The following CELSR1 variants were observed in gnomAD, a reference collection of about 807,000 sequenced individuals.
The protein encoded by CELSR1 is cadherin EGF LAG seven-pass G-type receptor 1.
In CELSR1, 110 loss-of-function variants were observed where a neutral mutation model predicts 249.1. The ratio of observed to expected loss-of-function variants is 0.44; its 90% confidence interval spans 0.38 to 0.52. The LOEUF (loss-of-function observed/expected upper bound fraction) is 0.52. Ranked by LOEUF, CELSR1 falls within the 20% of genes least tolerant of loss-of-function variation. CELSR1 has a pLI of 0.00. For synonymous variants in CELSR1, 2,113 were observed against 1,900.0 expected (o/e 1.11, Z -2.92); for missense variants, 4,109 against 4,296.4 (o/e 0.96, Z 1.22).
At chr22:46,458,241 G>T (rs1477331167) in intron 2 of CELSR1, among the ~76,000 whole-genome samples, 2 of 152,150 alleles carry the variant, frequency 1.3e-5, no homozygotes, top group Non-Finnish European at 1.5e-5. Context: ...GGGAGCCGGG[G>T]GTGAGGCTAG....
rs889017209 is a variant in CELSR1 at position 46,413,024 on chromosome 22, A to G, written c.4612-1265T>C. ...GCAGGGTCCCTCCCACCACCCCTAT[A>G]AAGGATGGGTTCGATGCCTCCTCCT... On this transcript the variant is annotated intron_variant, in intron 5 of 34. Transcript: ENST00000674500. The surrounding 1 kb of genome is among the most constrained non-coding windows in gnomAD (Gnocchi z 4.7). Among the ~76,000 whole-genome samples the G allele has an allele frequency of 2.0e-5, 3 of 152,106 alleles. No homozygotes were observed. Among genetic ancestry groups the G allele is most frequent in the Admixed American group, 6.5e-5 (1 of 15,270 alleles).
rs2078893415 is a variant in CELSR1, at chr22:46,374,270, G to A, written c.7585-1213C>T. ...GAGAAGGTTGGTTGGCTGGATGGCT[G>A]CTTCAAGTAATGCGAAAAGTAAACC... On this transcript the variant is annotated intron_variant, in intron 24 of 34. Transcript: ENST00000674500. This position sits in a 1 kb window ranked among gnomAD's most constrained non-coding sequence, Gnocchi z 4.3. Among the ~76,000 whole-genome samples the A allele has an allele frequency of 6.6e-6, 1 of 152,190 alleles. No homozygotes were observed. The highest frequency in any genetic ancestry group is 2.4e-5 in the African/African-American group (1 of 41,444).
chr22:46,454,496 CT>C lies in CELSR1; in HGVS notation c.4183+9210del, dbSNP rs2079923565. On this transcript the variant is annotated intron_variant, in intron 2 of 34. Transcript: ENST00000674500. This position sits in a 1 kb window ranked among gnomAD's most constrained non-coding sequence, Gnocchi z 5.1. ...CCTTGTCTCCCCTCAACAGCACAGACTTCGAAGTCACGGGGAACGGCGTGTG... is the reference window on the plus strand; with the variant it reads ...CCTTGTCTCCCCTCAACAGCACAGACTCGAAGTCACGGGGAACGGCGTGTG... 6.6e-6 allele frequency among the ~76,000 whole-genome samples: 1 copy of C among 152,242 alleles called. No homozygotes were observed. Among genetic ancestry groups the C allele is most frequent in the African/African-American group, 2.4e-5 (1 of 41,464 alleles).
In CELSR1 at chr22:46,472,277, C is replaced by T. The variant is rs1363128054; in HGVS notation, c.3545-7932G>A. ...ATGGAGGTTGGGACCTGTCCAGTCC[C>T]CGACTTTCGTGAAAGACTCTGCAGT... On this transcript the variant is annotated intron_variant, in intron 1 of 34. Transcript: ENST00000674500. The surrounding 1 kb of genome is among the most constrained non-coding windows in gnomAD (Gnocchi z 7.0). Among the ~76,000 whole-genome samples the T allele has an allele frequency of 6.6e-6, 1 of 152,200 alleles. No homozygotes were observed. The highest frequency in any genetic ancestry group is 2.4e-5 in the African/African-American group (1 of 41,456).
rs768434066 is a variant in CELSR1 at position 46,364,223 on chromosome 22, C to T, written c.8808G>A (p.Pro2936=). Residue 2936 remains proline (P), a synonymous_variant, in exon 34 of 35, where the codon CCG becomes CCA. Transcript: ENST00000674500. ...KGILKNKVTY[P]PPLTLTEQTL... Reference sequence around the variant, plus strand: ...TCTGCTCCGTCAGCGTCAGCGGCGGCGGGTAGGTGACTTTATTTTTCAAGA... The same window carrying T: ...TCTGCTCCGTCAGCGTCAGCGGCGGTGGGTAGGTGACTTTATTTTTCAAGA... The T allele has an allele frequency of 9.9e-6, 16 of 1,610,038 alleles. No homozygotes were observed. Among genetic ancestry groups the T allele is most frequent in the South Asian group, 7.7e-5 (7 of 91,042 alleles).
At chr22:46,503,750 C>T (rs191551988) in intron 1 of CELSR1, among the ~76,000 whole-genome samples, 3 of 152,352 alleles carry the variant, frequency 2.0e-5, no homozygotes, top group African/African-American at 7.2e-5. Flanking sequence ...ATATTTAAGG[C>T]TGGGTGCAGC....
chr22:46,384,661 C>T lies in CELSR1; in HGVS notation c.6765G>A (p.Lys2255=). 6.2e-7 allele frequency: 1 copy of T among 1,613,290 alleles called. No individual in the cohort carries two copies. Among genetic ancestry groups the T allele is most frequent in the Non-Finnish European group, 8.5e-7 (1 of 1,179,660 alleles). Residue 2255 remains lysine (K), a synonymous_variant, in exon 20 of 35, where the codon AAG becomes AAA. Coordinates refer to ENST00000674500, the MANE Select transcript of CELSR1 (RefSeq NM_001378328.1). ...GGACCCTGGCTCCCGTAAAGTTGAACTTGTCAAAGATGTCGACAGCAAGAA... is the reference window on the plus strand; with the variant it reads ...GGACCCTGGCTCCCGTAAAGTTGAATTTGTCAAAGATGTCGACAGCAAGAA... ...NMILAVDIFD[K]FNFTGARVPR... is the part of the protein sequence containing the mutation.
chr22:46,365,238 G>T lies in CELSR1; in HGVS notation c.8547C>A (p.Thr2849=), dbSNP rs9627424. ...WDPARGAVHS[T]PKGDAVANHV... ...TGTGCCCCACACACTCACCTTTGGG[G>T]GTGCTGTGGACGGCGCCCCTGGCCG... The change falls in exon 32 of 35, where the codon ACC becomes ACA. Residue 2849 remains threonine, a synonymous_variant. Coordinates refer to ENST00000674500, the MANE Select transcript of CELSR1 (RefSeq NM_001378328.1). 0.017 allele frequency: 26,706 copies of T among 1,611,706 alleles called. 3,247 individuals carry two copies. In the African/African-American group the frequency reaches 0.28, roughly 17 times the overall value.
intron 2 of CELSR1, among the ~76,000 whole-genome samples, chr22:46,457,456 G>T (rs982090657): frequency 4.6e-5 from 7 of 152,318 alleles, no homozygotes; most frequent in Admixed American, 1.3e-4. Flanking sequence ...CACAGGAGGG[G>T]CACCCAGGTC....
At chr22:46,483,904 G>A (rs1019279670) in intron 1 of CELSR1, among the ~76,000 whole-genome samples, 4 of 152,208 alleles carry the variant, frequency 2.6e-5, no homozygotes, top group Non-Finnish European at 5.9e-5. Context: ...ATATGGAGCT[G>A]CAAGGCTTTC....
At position 46,365,530 on chromosome 22, in the gene CELSR1, C is replaced by T. The variant is rs1353234036; in HGVS notation, c.8404+56G>A. 42 of 1,543,968 alleles carry T rather than the reference C, an allele frequency of 2.7e-5. No homozygotes were observed. In the Admixed American group the frequency reaches 5.4e-4, roughly 20 times the overall value. On this transcript the variant is annotated intron_variant, in intron 31 of 34. Transcript: ENST00000674500. ...CTTCAGGGGCAGTCTGTCCAGTGAC[C>T]GAAGGGACGTGGGAAAAACAACCCA... is the stretch of plus-strand genomic sequence containing the variant.
At position 46,412,455 on chromosome 22, in the gene CELSR1, AGGAGGCCAC is replaced by A. The variant is rs1569144884; in HGVS notation, c.4612-705_4612-697del. Among the ~76,000 whole-genome samples, 2 of 152,162 alleles carry A rather than the reference AGGAGGCCAC, an allele frequency of 1.3e-5. 1 individual carries two copies. Among genetic ancestry groups the A allele is most frequent in the South Asian group, 4.1e-4 (2 of 4,820 alleles). On this transcript the variant is annotated intron_variant, in intron 5 of 34. Coordinates refer to ENST00000674500, the MANE Select transcript of CELSR1 (RefSeq NM_001378328.1). The surrounding 1 kb of genome is among the most constrained non-coding windows in gnomAD (Gnocchi z 4.5). ...TTCGTGCTCCTGGAGTACAGACACC[AGGAGGCCAC>A]TGCCCGGCCTGCAGACGGCCCCACA...
chr22:46,480,036 A>G (rs1318679872), intron 1 of CELSR1, among the ~76,000 whole-genome samples: 4 of 152,210 alleles, frequency 2.6e-5, no homozygotes, highest in Non-Finnish European at 4.4e-5. Flanking sequence ...TTCCAAATCC[A>G]GTACTTCATA....
intron 20 of CELSR1, 51 bp from the exon 21 acceptor site, chr22:46,382,101 C>A (rs940286459): frequency 2.1e-6 from 3 of 1,442,466 alleles, no homozygotes; most frequent in Non-Finnish European, 2.8e-6. Context: ...CTGTGTTCCC[C>A]AAGACTGCCG....
chr22:46,505,606 A>C (rs1269639439), intron 1 of CELSR1, among the ~76,000 whole-genome samples: 1 of 152,146 alleles, frequency 6.6e-6, no homozygotes, highest in East Asian at 1.9e-4. Context: ...ATGCTACTGC[A>C]CTCCAGCTTG....
rs2080751699 is a variant in CELSR1, at chr22:46,527,675, T to G, written c.3544+5952A>C. ...TTCTGAGGCAGTGTTTCTCAAGGTA[T>G]GAGCAAGCCACTGTCTCCAGACTTA... On this transcript the variant is annotated intron_variant, in intron 1 of 34. Transcript: ENST00000674500. This position sits in a 1 kb window ranked among gnomAD's most constrained non-coding sequence, Gnocchi z 5.5. 6.6e-6 allele frequency among the ~76,000 whole-genome samples: 1 copy of G among 152,230 alleles called. No homozygotes were observed. Among genetic ancestry groups the G allele is most frequent in the Non-Finnish European group, 1.5e-5 (1 of 68,042 alleles).
intron 19 of CELSR1, among the ~76,000 whole-genome samples, chr22:46,385,607 G>A (rs1429759330): frequency 2.0e-5 from 3 of 151,932 alleles, no homozygotes; most frequent in African/African-American, 2.4e-5. Context: ...CCACGGGTAC[G>A]TCATCACAGA....
rs956891849 is a variant in CELSR1, at chr22:46,408,578, G to T, written c.5226+418C>A. 6.6e-6 allele frequency among the ~76,000 whole-genome samples: 1 copy of T among 152,104 alleles called. No homozygotes were observed. The highest frequency in any genetic ancestry group is 1.9e-4 in the East Asian group (1 of 5,184). On this transcript the variant is annotated intron_variant, in intron 9 of 34. Coordinates refer to ENST00000674500, the MANE Select transcript of CELSR1 (RefSeq NM_001378328.1). The surrounding 1 kb of genome is among the most constrained non-coding windows in gnomAD (Gnocchi z 4.6). ...TCGAACTTCTGACCTCAGGTGATCCGCCGGCCTCCGCCACCCAAAGTGTTG... is the reference window on the plus strand; with the variant it reads ...TCGAACTTCTGACCTCAGGTGATCCTCCGGCCTCCGCCACCCAAAGTGTTG...
chr22:46,387,420 G>T (rs1354048891), intron 18 of CELSR1, among the ~76,000 whole-genome samples: 2 of 152,098 alleles, frequency 1.3e-5, no homozygotes, highest in Admixed American at 6.5e-5. Flanking sequence ...TCACTTTGTT[G>T]TCCAGCCTGG....
Sources: allele counts gnomAD v4.1 joint callset (sites outside exome capture counted in the v4.1 genomes callset), GRCh38; gene constraint gnomAD v4.1.1; non-coding constraint Gnocchi (gnomAD v3.1); transcripts MANE v1.5; gene names NCBI Gene and HGNC (gene_info 2026-07-23, HGNC 2026-07-21).